ZBTB24: variants seen among roughly 807,000 people sequenced by gnomAD.
ZBTB24 encodes the protein zinc finger and BTB domain containing 24.
Under a neutral mutation model 53.8 loss-of-function variants are expected in ZBTB24, and 32 were observed. That is an observed-to-expected ratio of 0.60 (90% confidence interval 0.45 to 0.80). ZBTB24 has a LOEUF of 0.80. Among genes scored for constraint, ZBTB24 ranks in the 30% least tolerant of loss-of-function variants. ZBTB24 has a pLI of 0.00. For synonymous variants in ZBTB24, 297 were observed against 306.7 expected (o/e 0.97, Z 0.33); for missense variants, 722 against 837.1 (o/e 0.86, Z 1.70).
intron 2 of ZBTB24, among the ~76,000 whole-genome samples, chr6:109,477,418 T>C (rs1776302679): frequency 6.6e-6 from 1 of 152,186 alleles, no homozygotes; most frequent in Non-Finnish European, 1.5e-5. Context: ...CCCAAATTGC[T>C]GGGAGTACAG....
chr6:109,482,167 A>G, intron 1 of ZBTB24, 113 bp from the exon 2 acceptor site: 1 of 846,540 alleles, frequency 1.2e-6, no homozygotes, highest in Non-Finnish European at 1.9e-6. Flanking sequence ...TACCATTACC[A>G]TTTTTGTCTG....
At chr6:109,480,376 A>T (rs1776376523) in intron 2 of ZBTB24, among the ~76,000 whole-genome samples, 1 of 152,218 alleles carries the variant, frequency 6.6e-6, no homozygotes, top group South Asian at 2.1e-4. Flanking sequence ...ACATGTGGTT[A>T]TTCAAATTTA....
In ZBTB24 at chr6:109,466,088, G is replaced by T; in HGVS notation, c.1857C>A (p.Ser619Arg). ...AQQEQTEHIQ[S>R]LNMIESQMGP... ...CCATCTGGCTTTCAATCATATTGAGGCTCTGAATGTGTTCTGTTTGCTCCT... is the reference window on the plus strand; with the variant it reads ...CCATCTGGCTTTCAATCATATTGAGTCTCTGAATGTGTTCTGTTTGCTCCT... Residue 619 changes from serine to arginine, a missense_variant, in exon 7 of 7, where the codon AGC (serine) becomes AGA (arginine). By Grantham distance (110) the Ser-to-Arg change is moderately radical. Transcript: ENST00000230122. 3 of 1,614,216 alleles carry T rather than the reference G, an allele frequency of 1.9e-6. No homozygotes were observed. The highest frequency in any genetic ancestry group is 2.5e-6 in the Non-Finnish European group (3 of 1,180,042).
chr6:109,465,742 G>A lies in ZBTB24; in HGVS notation c.*109C>T. ...TCAGTTAGCCATCACAGCTCTCACA[G>A]AAGCATCTGCAAGTCAATGGTGTGG... On this transcript the variant is annotated 3_prime_UTR_variant, in exon 7 of 7. Transcript: ENST00000230122. 1 of 1,611,600 alleles carries A rather than the reference G, an allele frequency of 6.2e-7. No individual in the cohort carries two copies. The highest frequency in any genetic ancestry group is 8.5e-7 in the Non-Finnish European group (1 of 1,179,692).
chr6:109,467,218 T>G (rs1337639985), intron 6 of ZBTB24, among the ~76,000 whole-genome samples: 1 of 152,140 alleles, frequency 6.6e-6, no homozygotes, highest in Non-Finnish European at 1.5e-5. Context: ...GGAATTTCAT[T>G]ATTGAAAAGA....
In ZBTB24 at chr6:109,465,450, C is replaced by G. The variant is rs1776010526; in HGVS notation, c.*401G>C. The G allele has an allele frequency of 3.4e-6, 2 of 595,046 alleles. No individual in the cohort carries two copies. The highest frequency in any genetic ancestry group is 6.3e-5 in the Admixed American group (2 of 31,996). 36.9% of individuals were successfully genotyped at this position (595,046 alleles called of 1,614,324 possible). On this transcript the variant is annotated 3_prime_UTR_variant, in exon 7 of 7. Transcript: ENST00000230122. ...AGAAAATAGAACAAACCATTCTGCCCAGTTCAACCAAAATGACTCCCTTTG... is the reference window on the plus strand; with the variant it reads ...AGAAAATAGAACAAACCATTCTGCCGAGTTCAACCAAAATGACTCCCTTTG...
In ZBTB24 at chr6:109,465,605, A is replaced by G. The variant is rs1315894591; in HGVS notation, c.*246T>C. The G allele has an allele frequency of 1.3e-6, 2 of 1,512,642 alleles. No homozygotes were observed. Among genetic ancestry groups the G allele is most frequent in the Non-Finnish European group, 1.8e-6 (2 of 1,127,332 alleles). The allele number at this position is 1,512,642 out of a possible 1,614,324, so 93.7% of individuals were successfully genotyped here. Reference sequence around the variant, plus strand: ...AAAACTACCCGAGTCTTTATGAGACATTGCAGATTAAAATGAAAACCATTC... The same window carrying G: ...AAAACTACCCGAGTCTTTATGAGACGTTGCAGATTAAAATGAAAACCATTC... On this transcript the variant is annotated 3_prime_UTR_variant, in exon 7 of 7. Coordinates refer to ENST00000230122, the MANE Select transcript of ZBTB24 (RefSeq NM_014797.3).
At chr6:109,476,394 G>A in intron 3 of ZBTB24, 136 bp from the exon 4 acceptor site, 2 of 869,994 alleles carry the variant, frequency 2.3e-6, no homozygotes, top group Non-Finnish European at 3.6e-6. Flanking sequence ...TACATACCCA[G>A]AAGCCTTCAA....
chr6:109,482,140 C>T (rs1272142924), intron 1 of ZBTB24, 86 bp from the exon 2 acceptor site: 1 of 954,372 alleles, frequency 1.0e-6, no homozygotes, highest in East Asian at 2.6e-5. Flanking sequence ...ATTCACTTCA[C>T]ATCATTAACT....
intron 5 of ZBTB24, among the ~76,000 whole-genome samples, chr6:109,474,985 G>A (rs898250364): frequency 6.6e-6 from 1 of 150,544 alleles, no homozygotes; most frequent in African/African-American, 2.4e-5. Flanking sequence ...CAAGGCTGTG[G>A]TGAGCTGTGA....
At position 109,481,571 on chromosome 6, in the gene ZBTB24, A is replaced by C; in HGVS notation, c.456T>G (p.Asn152Lys). ...TCCGCTTTGGAGGATCGTTTTTCTT[A>C]TTAGAGATAACAACCACTGGGGCAC... ...TAGAPVVVIS[N>K]KKNDPPKRKR... Residue 152 changes from asparagine (N) to lysine (K), a missense_variant, in exon 2 of 7, where the codon AAT (asparagine) becomes AAG (lysine). By Grantham distance (94) the Asn-to-Lys change is moderately conservative (BLOSUM62 0). Transcript: ENST00000230122. The C allele has an allele frequency of 6.2e-7, 1 of 1,614,020 alleles. No homozygotes were observed. The highest frequency in any genetic ancestry group is 1.1e-5 in the South Asian group (1 of 91,074).
chr6:109,466,623 T>C, intron 6 of ZBTB24, 49 bp from the exon 7 acceptor site: 1 of 1,596,306 alleles, frequency 6.3e-7, no homozygotes, highest in South Asian at 1.1e-5. Flanking sequence ...ACCTACTTAC[T>C]ACTTCCTGAT....
chr6:109,475,291 T>C (rs1776255760), intron 5 of ZBTB24, 108 bp downstream of exon 5: 2 of 1,333,924 alleles, frequency 1.5e-6, no homozygotes, highest in South Asian at 2.4e-5. Flanking sequence ...ATCCAATTTA[T>C]AATAAACATT....
rs1289937425 is a variant in ZBTB24 at position 109,466,562 on chromosome 6, T to C, written c.1383A>G (p.Pro461=). Residue 461 remains proline (P), a synonymous_variant, in exon 7 of 7, where the codon CCA becomes CCG. Coordinates refer to ENST00000230122, the MANE Select transcript of ZBTB24 (RefSeq NM_014797.3). ...ATTTGCCACAAATGCCACAGGAGTA[T>C]GGCTTTTCTCCTCTGTAAGAAAATA... ...THIRIHRGEK[P]YSCGICGKSF... 5.0e-6 allele frequency: 8 copies of C among 1,612,090 alleles called. No individual in the cohort carries two copies. In the East Asian group the frequency reaches 1.8e-4, roughly 36 times the overall value.
intron 5 of ZBTB24, among the ~76,000 whole-genome samples, chr6:109,469,102 C>T (rs1776114071): frequency 6.6e-6 from 1 of 152,204 alleles, no homozygotes; most frequent in Non-Finnish European, 1.5e-5. Flanking sequence ...CAGAGGACAG[C>T]TGTAACAACT....
In ZBTB24 at chr6:109,466,257, A is replaced by G. The variant is rs142830104; in HGVS notation, c.1688T>C (p.Ile563Thr). The G allele has an allele frequency of 8.5e-4, 1,368 of 1,614,216 alleles. 6 individuals carry two copies. Among genetic ancestry groups the G allele is most frequent in the Middle Eastern group, 2.8e-3 (17 of 6,062 alleles). ...QLLVTDSVHN[I>T]NFMPGPSQGI... ...CTGGCTAGGACCGGGCATGAAATTG[A>G]TGTTATGTACAGAATCGGTTACGAG... Residue 563 changes from isoleucine (I) to threonine (T), a missense_variant, in exon 7 of 7, where the codon ATC (isoleucine) becomes ACC (threonine). Ile to Thr is a moderately conservative substitution (Grantham distance 89). Coordinates refer to ENST00000230122, the MANE Select transcript of ZBTB24 (RefSeq NM_014797.3).
chr6:109,466,396 G>A lies in ZBTB24; in HGVS notation c.1549C>T (p.His517Tyr), dbSNP rs770978881. The A allele has an allele frequency of 3.1e-6, 5 of 1,614,170 alleles. No individual in the cohort carries two copies. Among genetic ancestry groups the A allele is most frequent in the Admixed American group, 1.7e-5 (1 of 60,016 alleles). ...GAAATGCTGCTGGCATCTGAAGCAT[G>A]CTTCTCCTTGCTATGAATTTTCAAG... is the stretch of plus-strand genomic sequence containing the variant. ...AHLKIHSKEK[H>Y]ASDASSISGS... Residue 517 changes from histidine to tyrosine, a missense_variant, in exon 7 of 7, where the codon CAT (histidine) becomes TAT (tyrosine). By Grantham distance (83) the His-to-Tyr change is moderately conservative. Coordinates refer to ENST00000230122, the MANE Select transcript of ZBTB24 (RefSeq NM_014797.3).
At chr6:109,478,243 A>G (rs1776320434) in intron 2 of ZBTB24, among the ~76,000 whole-genome samples, 1 of 152,180 alleles carries the variant, frequency 6.6e-6, no homozygotes, top group Non-Finnish European at 1.5e-5. Flanking sequence ...GCTCCAGAAG[A>G]AGGTCTTTGG....
Position 109,465,699 on chromosome 6 carries a change from T to A in ZBTB24, c.*152A>T. On this transcript the variant is annotated 3_prime_UTR_variant, in exon 7 of 7. Coordinates refer to ENST00000230122, the MANE Select transcript of ZBTB24 (RefSeq NM_014797.3). ...ACATACACACATCTTGCTACCTGGATGGAGGGCATTATAAACATCAGTTAG... is the reference window on the plus strand; with the variant it reads ...ACATACACACATCTTGCTACCTGGAAGGAGGGCATTATAAACATCAGTTAG... 1 of 1,603,526 alleles carries A rather than the reference T, an allele frequency of 6.2e-7. No individual in the cohort carries two copies. The highest frequency in any genetic ancestry group is 2.2e-5 in the East Asian group (1 of 44,864).
Sources: allele counts gnomAD v4.1 joint callset (sites outside exome capture counted in the v4.1 genomes callset), GRCh38; gene constraint gnomAD v4.1.1; transcripts MANE v1.5; gene names NCBI Gene and HGNC (gene_info 2026-07-23, HGNC 2026-07-21).